CAPZA2: variants seen among roughly 807,000 people sequenced by gnomAD.
CAPZA2 encodes the protein F-actin-capping protein subunit alpha-2.
Under a neutral mutation model 44.0 loss-of-function variants are expected in CAPZA2, and 13 were observed. The ratio of observed to expected loss-of-function variants is 0.30; its 90% CI spans 0.19 to 0.47. The LOEUF (loss-of-function observed/expected upper bound fraction) is 0.47, where lower values mean the gene tolerates loss of function less well. CAPZA2 is among the 20% of genes least tolerant of loss of function. CAPZA2 has a pLI of 1.00. For synonymous variants in CAPZA2, 94 were observed against 108.2 expected (o/e 0.87, Z 0.81); for missense variants, 244 against 338.6 (o/e 0.72, Z 2.19).
At chr7:116,868,003 C>G (rs1409493511) in intron 1 of CAPZA2, among the ~76,000 whole-genome samples, 1 of 152,162 alleles carries the variant, frequency 6.6e-6, no homozygotes, top group Non-Finnish European at 1.5e-5. Context: ...TCTAAATGGG[C>G]TTGGCATGTA....
chr7:116,888,210 C>T lies in CAPZA2; in HGVS notation c.103+20C>T, dbSNP rs1427959984. The T allele has an allele frequency of 6.5e-7, 1 of 1,547,654 alleles. No homozygotes were observed. Among genetic ancestry groups the T allele is most frequent in the Admixed American group, 1.7e-5 (1 of 59,004 alleles). ...TCAATGGTGAGTGTTTGATTTATAA[C>T]ACTAGGCTTGATATATCAAGCCCTC... is the stretch of plus-strand genomic sequence containing the variant. On this transcript the variant is annotated intron_variant, in intron 2 of 9. Coordinates refer to ENST00000361183, the MANE Select transcript of CAPZA2 (RefSeq NM_006136.3).
intron 5 of CAPZA2, 117 bp from the exon 6 acceptor site, chr7:116,906,146 T>A: frequency 4.9e-6 from 7 of 1,420,822 alleles, no homozygotes; most frequent in Non-Finnish European, 6.5e-6. Flanking sequence ...TGGCCTACTT[T>A]GTATTTTATG....
At chr7:116,907,990 A>C (rs778856898) in intron 6 of CAPZA2, among the ~76,000 whole-genome samples, 4 of 152,208 alleles carry the variant, frequency 2.6e-5, no homozygotes, top group Non-Finnish European at 5.9e-5. Flanking sequence ...ACTATACTTC[A>C]AGCCAGGCAT....
chr7:116,887,743 G>C (rs1250758981), intron 1 of CAPZA2, among the ~76,000 whole-genome samples: 1 of 152,258 alleles, frequency 6.6e-6, no homozygotes, highest in African/African-American at 2.4e-5. Flanking sequence ...CAAGGCAGGA[G>C]AATCACGTAA....
Position 116,904,330 on chromosome 7 carries a change from G to C in CAPZA2, c.373G>C (p.Glu125Gln), listed in dbSNP as rs764300633. 1.5e-4 allele frequency: 241 copies of C among 1,613,762 alleles called. No individual in the cohort carries two copies. The highest frequency in any genetic ancestry group is 1.9e-4 in the Non-Finnish European group (230 of 1,179,796). Reference sequence around the variant, plus strand: ...AGTTGAATCATGGAGAACTTCAGTAGAAACTGCTCTGAGAGCTTACGTAAA... The same window carrying C: ...AGTTGAATCATGGAGAACTTCAGTACAAACTGCTCTGAGAGCTTACGTAAA... ...NAVESWRTSV[E>Q]TALRAYVKEH... is the part of the protein sequence containing the mutation. Residue 125 changes from glutamate to glutamine, a missense_variant, in exon 5 of 10, where the codon GAA becomes CAA. Physicochemically the swap from Glu to Gln is conservative, Grantham distance 29 (BLOSUM62 2). Coordinates refer to ENST00000361183, the MANE Select transcript of CAPZA2 (RefSeq NM_006136.3).
At chr7:116,863,198 C>G (rs1382611265) in intron 1 of CAPZA2, among the ~76,000 whole-genome samples, 1 of 152,262 alleles carries the variant, frequency 6.6e-6, no homozygotes, top group Non-Finnish European at 1.5e-5. Flanking sequence ...TTCTGATCCT[C>G]TACGGTTTAT....
intron 9 of CAPZA2, among the ~76,000 whole-genome samples, chr7:116,916,468 C>G (rs1393791073): frequency 1.3e-5 from 2 of 152,118 alleles, no homozygotes; most frequent in Non-Finnish European, 2.9e-5. Flanking sequence ...ACTAAAAATA[C>G]AAAAATTAGC....
intron 1 of CAPZA2, among the ~76,000 whole-genome samples, chr7:116,869,374 CTG>C (rs1327646079): frequency 6.6e-6 from 1 of 152,188 alleles, no homozygotes; most frequent in Non-Finnish European, 1.5e-5. Flanking sequence ...CATCTAATGA[CTG>C]AGAACTTTTC....
intron 8 of CAPZA2, among the ~76,000 whole-genome samples, chr7:116,914,560 C>G (rs1047861655): frequency 6.6e-6 from 1 of 152,106 alleles, no homozygotes; most frequent in African/African-American, 2.4e-5. Context: ...ATCCTGGGCT[C>G]AAGCCATCCT....
At chr7:116,911,926 G>C in intron 7 of CAPZA2, 143 bp from the exon 8 acceptor site, 5 of 1,363,362 alleles carry the variant, frequency 3.7e-6, no homozygotes, top group Non-Finnish European at 4.9e-6. Context: ...GAGTCTTGCT[G>C]GAGTTCAAAA....
At chr7:116,901,363 T>C (rs911014229) in intron 4 of CAPZA2, among the ~76,000 whole-genome samples, 1 of 152,112 alleles carries the variant, frequency 6.6e-6, no homozygotes, top group Non-Finnish European at 1.5e-5. Flanking sequence ...TGCAAGAACA[T>C]GGATGGAGCT....
At chr7:116,881,797 G>A (rs796172241) in intron 1 of CAPZA2, among the ~76,000 whole-genome samples, 25 of 103,868 alleles carry the variant, frequency 2.4e-4, no homozygotes, top group African/African-American at 7.6e-4. Flanking sequence ...CTCCACCCCC[G>A]CCCTGGTCCA....
chr7:116,910,224 A>G lies in CAPZA2; in HGVS notation c.507-9A>G. ...TACCTTATTTACAGCTGCTGTTTTT[A>G]TTTTTAAGGAATGGTCGTTGGAGGT... is the stretch of plus-strand genomic sequence containing the variant. On this transcript the variant is annotated splice_polypyrimidine_tract_variant and intron_variant, in intron 6 of 9. Transcript: ENST00000361183. The G allele has an allele frequency of 6.6e-7, 1 of 1,512,148 alleles. No individual in the cohort carries two copies. The highest frequency in any genetic ancestry group is 9.2e-7 in the Non-Finnish European group (1 of 1,087,200). 93.7% of individuals were successfully genotyped at this position (1,512,148 alleles called of 1,614,324 possible).
intron 1 of CAPZA2, among the ~76,000 whole-genome samples, chr7:116,883,806 T>A (rs888523207): frequency 1.3e-5 from 2 of 152,232 alleles, no homozygotes; most frequent in African/African-American, 2.4e-5. Flanking sequence ...TGGAAACAAC[T>A]AAAATTTTTA....
chr7:116,875,781 T>G (rs1470639273), intron 1 of CAPZA2: 1 of 151,814 alleles, frequency 6.6e-6, no homozygotes, highest in East Asian at 1.9e-4. Context: ...ACTCAAGTGA[T>G]CCTCCCATCC....
rs1169600976 is a variant in CAPZA2, at chr7:116,920,529, TG to T, written c.*2666del. On this transcript the variant is annotated 3_prime_UTR_variant, in exon 10 of 10. Coordinates refer to ENST00000361183, the MANE Select transcript of CAPZA2 (RefSeq NM_006136.3). Reference sequence around the variant, plus strand: ...TCCTAAAGGTAAAATCAGCAAGACCTGGGGAGAGTTTGGTCATGGAGTGTGA... The same window carrying T: ...TCCTAAAGGTAAAATCAGCAAGACCTGGGAGAGTTTGGTCATGGAGTGTGA... 1 of 152,182 alleles carries T rather than the reference TG, an allele frequency of 6.6e-6. No individual in the cohort carries two copies. Among genetic ancestry groups the T allele is most frequent in the African/African-American group, 2.4e-5 (1 of 41,400 alleles). 9.4% of individuals were successfully genotyped at this position (152,182 alleles called of 1,614,324 possible).
intron 2 of CAPZA2, 86 bp downstream of exon 2, chr7:116,888,276 C>A: frequency 2.3e-6 from 2 of 866,880 alleles, no homozygotes; most frequent in Non-Finnish European, 3.6e-6. Context: ...AAGCTAAGGA[C>A]AGTATGCAGA....
At chr7:116,917,102 A>G (rs755391084) in intron 9 of CAPZA2, among the ~76,000 whole-genome samples, 4 of 152,158 alleles carry the variant, frequency 2.6e-5, no homozygotes, top group Non-Finnish European at 1.5e-5. Context: ...ACAAGTTTCT[A>G]CTCCTTAAAA....
chr7:116,875,201 T>C (rs1346204162), intron 1 of CAPZA2: 2 of 152,222 alleles, frequency 1.3e-5, no homozygotes, highest in African/African-American at 4.8e-5. Context: ...GTTCATTTTC[T>C]TCAGAGTCTT....
Sources: allele counts gnomAD v4.1 joint callset (sites outside exome capture counted in the v4.1 genomes callset), GRCh38; gene constraint gnomAD v4.1.1; transcripts MANE v1.5; gene names NCBI Gene and HGNC (gene_info 2026-07-23, HGNC 2026-07-21).